The following MCTP1 variants were observed in gnomAD, a reference collection of about 807,000 sequenced individuals.
The protein encoded by MCTP1 is multiple C2 and transmembrane domain-containing protein 1.
In MCTP1, 69 loss-of-function variants were observed where a neutral mutation model predicts 120.6. The observed-to-expected ratio is 0.57, with a 90% confidence interval of 0.47 to 0.70. The LOEUF (loss-of-function observed/expected upper bound fraction) is 0.70. Among genes scored for constraint, MCTP1 ranks in the 30% least tolerant of loss-of-function variants. The pLI is 0.00. For synonymous variants in MCTP1, 529 were observed against 493.1 expected, an observed-to-expected ratio of 1.07 and a Z score of -0.96; for missense variants, 1,203 against 1,248.8, an observed-to-expected ratio of 0.96 and a Z score of 0.55.
At chr5:95,123,776 A>G (rs1368053938) in intron 1 of MCTP1, among the ~76,000 whole-genome samples, 2 of 151,776 alleles carry the variant, frequency 1.3e-5, no homozygotes, top group East Asian at 3.9e-4. Context: ...CAGCCTCCCG[A>G]GTAGCTGGGA....
chr5:94,930,796 C>T (rs984419651), intron 6 of MCTP1: 7 of 151,868 alleles, frequency 4.6e-5, no homozygotes, highest in Non-Finnish European at 8.8e-5. Context: ...TAAAGTATAA[C>T]TGTAAAGGAA....
intron 1 of MCTP1, among the ~76,000 whole-genome samples, chr5:95,122,191 A>G (rs1758295989): frequency 2.0e-5 from 3 of 152,292 alleles, no homozygotes; most frequent in African/African-American, 7.2e-5. Flanking sequence ...CAAGTAAACA[A>G]TCAACAAAGT....
At chr5:94,822,966 TA>T (rs975581918) in intron 17 of MCTP1, among the ~76,000 whole-genome samples, 4 of 152,228 alleles carry the variant, frequency 2.6e-5, no homozygotes, top group Non-Finnish European at 2.9e-5. Context: ...GTCAGATGGA[TA>T]GATTGCAAAC....
rs1445042598 is a variant in MCTP1 at position 94,894,847 on chromosome 5, T to C, written c.1653-12A>G. 1 of 1,503,360 alleles carries C rather than the reference T, an allele frequency of 6.7e-7. No individual in the cohort carries two copies. Among genetic ancestry groups the C allele is most frequent in the Non-Finnish European group, 8.9e-7 (1 of 1,120,082 alleles). 93.1% of individuals were successfully genotyped at this position (1,503,360 alleles called of 1,614,324 possible). On this transcript the variant is annotated splice_polypyrimidine_tract_variant and intron_variant, in intron 10 of 22. Coordinates refer to ENST00000515393, the MANE Select transcript of MCTP1 (RefSeq NM_024717.7). ...GGTCGACCTGGCACCTAGAGACAAA[T>C]GTTTTGAATCAGCAAGTGGCTTTTT...
intron 1 of MCTP1, among the ~76,000 whole-genome samples, chr5:95,169,515 C>A (rs1369782971): frequency 1.3e-5 from 2 of 152,154 alleles, no homozygotes; most frequent in African/African-American, 4.8e-5. Context: ...GGCTGTGAAT[C>A]TATCTGGTCC....
chr5:94,939,888 T>A (rs773015810), intron 5 of MCTP1, among the ~76,000 whole-genome samples, 196 bp downstream of exon 5: 9 of 152,024 alleles, frequency 5.9e-5, no homozygotes, highest in African/African-American at 9.7e-5. Context: ...GAGGTTCTGA[T>A]CTGGAGGATG....
At position 95,047,324 on chromosome 5, in the gene MCTP1, C is replaced by T. The variant is rs574698754; in HGVS notation, c.721-29840G>A. Among the ~76,000 whole-genome samples the T allele has an allele frequency of 2.0e-3, 302 of 152,232 alleles. 1 individual carries two copies. The highest frequency in any genetic ancestry group is 6.9e-3 in the African/African-American group (288 of 41,536). On this transcript the variant is annotated intron_variant, in intron 1 of 22. Transcript: ENST00000515393. ...GTTAAGTGGACCACGGAGCACTGAG[C>T]AGGCACCATGGCACAGACTCATGCT...
chr5:95,230,700 T>C (rs1353467081), intron 1 of MCTP1, among the ~76,000 whole-genome samples: 1 of 152,216 alleles, frequency 6.6e-6, no homozygotes, highest in Non-Finnish European at 1.5e-5. Flanking sequence ...TTTAGCGTTC[T>C]GATAATGGAA....
At chr5:94,974,210 T>G (rs1457266348) in intron 2 of MCTP1, among the ~76,000 whole-genome samples, 1 of 152,174 alleles carries the variant, frequency 6.6e-6, no homozygotes, top group Non-Finnish European at 1.5e-5. Context: ...TTATTTCAAT[T>G]GAGATAACAG....
intron 1 of MCTP1, among the ~76,000 whole-genome samples, chr5:95,175,493 A>G (rs142762209): frequency 1.8e-4 from 27 of 152,322 alleles, no homozygotes; most frequent in African/African-American, 6.3e-4. Flanking sequence ...CTGAGGAACA[A>G]TTAGAAAAAC....
chr5:95,151,454 G>C (rs562193453), intron 1 of MCTP1, among the ~76,000 whole-genome samples: 1 of 152,176 alleles, frequency 6.6e-6, no homozygotes, highest in African/African-American at 2.4e-5. Flanking sequence ...AGAGGCAGAA[G>C]AAAATCCATG....
At chr5:95,176,707 G>A (rs1044672656) in intron 1 of MCTP1, among the ~76,000 whole-genome samples, 6 of 152,018 alleles carry the variant, frequency 3.9e-5, no homozygotes, top group Admixed American at 6.6e-5. Flanking sequence ...AAATTAGCTG[G>A]GCATGGTGGT....
chr5:95,076,773 G>GA (rs1169273352), intron 1 of MCTP1, among the ~76,000 whole-genome samples: 4 of 152,150 alleles, frequency 2.6e-5, no homozygotes, highest in African/African-American at 7.2e-5. Flanking sequence ...AGGGGTGGGG[G>GA]AAAAATCTAT....
intron 1 of MCTP1, among the ~76,000 whole-genome samples, chr5:95,025,424 A>G (rs1839079527): frequency 6.6e-6 from 1 of 152,242 alleles, no homozygotes. Context: ...CAGTTTGAAA[A>G]TTAAGAAGTT....
intron 19 of MCTP1, among the ~76,000 whole-genome samples, chr5:94,777,022 T>C (rs1409090379): frequency 1.5e-5 from 2 of 137,510 alleles, no homozygotes; most frequent in African/African-American, 5.0e-5. Context: ...TATTCAGATA[T>C]GATTTTTATG....
At chr5:95,129,083 T>C (rs73776199) in intron 1 of MCTP1, among the ~76,000 whole-genome samples, 17 of 152,286 alleles carry the variant, frequency 1.1e-4, no homozygotes, top group African/African-American at 4.1e-4. Context: ...TGAAATTAGA[T>C]CCATGCTTAT....
intron 5 of MCTP1, among the ~76,000 whole-genome samples, chr5:94,936,677 T>G (rs979557394): frequency 6.6e-6 from 1 of 152,082 alleles, no homozygotes; most frequent in African/African-American, 2.4e-5. Flanking sequence ...ATAACCAGTG[T>G]TGGTAAATAT....
Position 94,943,982 on chromosome 5 carries a change from A to G in MCTP1, c.982-1555T>C, listed in dbSNP as rs1364786446. Among the ~76,000 whole-genome samples the G allele has an allele frequency of 3.9e-5, 6 of 152,120 alleles. No individual in the cohort carries two copies. In the East Asian group the frequency reaches 1.2e-3, roughly 29 times the overall value. On this transcript the variant is annotated intron_variant, in intron 3 of 22. Coordinates refer to ENST00000515393, the MANE Select transcript of MCTP1 (RefSeq NM_024717.7). Reference sequence around the variant, plus strand: ...CAACAGCCCAGCACTCCTATGCTCAATTCTTGGCACAACAGTTAGAAAGCT... The same window carrying G: ...CAACAGCCCAGCACTCCTATGCTCAGTTCTTGGCACAACAGTTAGAAAGCT...
intron 1 of MCTP1, among the ~76,000 whole-genome samples, chr5:95,280,650 AT>A (rs899253708): frequency 1.7e-4 from 26 of 151,762 alleles, no homozygotes; most frequent in South Asian, 4.2e-4. Flanking sequence ...AGAAAGGGAT[AT>A]TTTTTTTTCC....
Sources: gnomAD v4.1 joint callset for allele counts (sites outside exome capture counted in the v4.1 genomes callset) on GRCh38, gnomAD v4.1.1 for gene constraint, MANE v1.5 for transcripts, NCBI Gene and HGNC (gene_info 2026-07-23, HGNC 2026-07-21) for gene names.